NCKAP1: variants seen among roughly 807,000 people sequenced by gnomAD.
NCKAP1 encodes nck-associated protein 1.
In NCKAP1, 21 loss-of-function variants were observed where a neutral mutation model predicts 151.2. The observed-to-expected ratio is 0.14, with a 90% CI of 0.10 to 0.20. The LOEUF (loss-of-function observed/expected upper bound fraction) is 0.20. NCKAP1 is among the 10% of genes least tolerant of loss of function. NCKAP1 has a pLI of 1.00. For missense variants in NCKAP1, 933 were observed against 1,352.1 expected (o/e 0.69, Z 4.86); for synonymous variants, 484 against 451.8 (o/e 1.07, Z -0.90).
intron 15 of NCKAP1, among the ~76,000 whole-genome samples, chr2:182,972,493 G>T (rs1233292661): frequency 6.6e-6 from 1 of 152,056 alleles, no homozygotes; most frequent in Non-Finnish European, 1.5e-5. Flanking sequence ...TAGTAGAGCC[G>T]CTATTGAAAA....
chr2:182,944,497 A>G (rs1381659397), intron 23 of NCKAP1, among the ~76,000 whole-genome samples: 1 of 152,142 alleles, frequency 6.6e-6, no homozygotes, highest in Non-Finnish European at 1.5e-5. Context: ...AACCCCAAAT[A>G]AAACACCCAA....
At chr2:182,979,048 G>A (rs968259219) in intron 13 of NCKAP1, 133 bp from the exon 14 acceptor site, 2 of 460,586 alleles carry the variant, frequency 4.3e-6, no homozygotes, top group African/African-American at 4.0e-5. Flanking sequence ...AAAAAGAAAT[G>A]AAATTTTAAC....
intron 8 of NCKAP1, among the ~76,000 whole-genome samples, chr2:182,990,334 G>A (rs1698142306): frequency 6.6e-6 from 1 of 151,732 alleles, no homozygotes; most frequent in Non-Finnish European, 1.5e-5. Flanking sequence ...AACTGCACCT[G>A]GTCCATATGC....
Position 183,038,107 on chromosome 2 carries a change from C to T in NCKAP1, c.-8G>A. ...CAGCACTGAGCGCGACATGGTGGTG[C>T]TGGTGCCGCCGCCGCCGCCGGCCGC... On this transcript the variant is annotated 5_prime_UTR_variant, in exon 1 of 31. Transcript: ENST00000361354. The T allele has an allele frequency of 6.5e-7, 1 of 1,547,302 alleles. No individual in the cohort carries two copies. Among genetic ancestry groups the T allele is most frequent in the South Asian group, 1.2e-5 (1 of 85,318 alleles).
intron 22 of NCKAP1, 68 bp downstream of exon 22, chr2:182,952,725 A>G (rs765231146): frequency 1.4e-6 from 2 of 1,442,282 alleles, no homozygotes; most frequent in Non-Finnish European, 1.9e-6. Flanking sequence ...AAAAGTCTAA[A>G]GAATCAAGAC....
intron 2 of NCKAP1, among the ~76,000 whole-genome samples, chr2:183,005,152 T>C (rs1417241300): frequency 6.6e-6 from 1 of 152,170 alleles, no homozygotes; most frequent in Non-Finnish European, 1.5e-5. Context: ...TCTTAGTCCT[T>C]TTTCCTGCTT....
intron 2 of NCKAP1, among the ~76,000 whole-genome samples, chr2:183,020,382 T>C (rs911460463): frequency 2.0e-5 from 3 of 149,850 alleles, no homozygotes; most frequent in East Asian, 1.9e-4. Context: ...GAAGGATTGA[T>C]TGAGACCAGG....
chr2:182,965,328 T>A (rs548754234), intron 16 of NCKAP1, among the ~76,000 whole-genome samples: 37 of 147,534 alleles, frequency 2.5e-4, no homozygotes, highest in East Asian at 5.8e-4. Flanking sequence ...ATTTTATTTT[T>A]TTTTTTAACT....
Position 182,914,985 on chromosome 2 carries a change from C to G in NCKAP1, c.*10717G>C, listed in dbSNP as rs1696444937. 1 of 152,148 alleles carries G rather than the reference C, an allele frequency of 6.6e-6. No homozygotes were observed. Among genetic ancestry groups the G allele is most frequent in the African/African-American group, 2.4e-5 (1 of 41,398 alleles). The allele number at this position is 152,148 out of a possible 1,614,324, so 9.4% of individuals were successfully genotyped here. ...TGATCATTTAAGCTGGGAATGCAGC[C>G]ATACCGGGTGTCAGAGCATGTTGTG... On this transcript the variant is annotated 3_prime_UTR_variant, in exon 31 of 31. Coordinates refer to ENST00000361354, the MANE Select transcript of NCKAP1 (RefSeq NM_013436.5).
chr2:183,034,336 AACC>A (rs1364498499), intron 1 of NCKAP1, among the ~76,000 whole-genome samples: 2 of 152,080 alleles, frequency 1.3e-5, no homozygotes, highest in Admixed American at 1.3e-4. Context: ...ACTGCATTTA[AACC>A]ACCACAATAC....
intron 24 of NCKAP1, among the ~76,000 whole-genome samples, chr2:182,941,610 T>C (rs539498424): frequency 6.6e-6 from 1 of 152,296 alleles, no homozygotes; most frequent in African/African-American, 2.4e-5. Flanking sequence ...GATGGAACTG[T>C]TCTATATCTA....
chr2:183,034,121 C>T (rs1470630494), intron 1 of NCKAP1, among the ~76,000 whole-genome samples: 2 of 152,050 alleles, frequency 1.3e-5, no homozygotes, highest in African/African-American at 2.4e-5. Flanking sequence ...AGACTAAAAC[C>T]AGTTCCCCTC....
chr2:182,982,011 A>C (rs984005579), intron 12 of NCKAP1, among the ~76,000 whole-genome samples: 2 of 151,920 alleles, frequency 1.3e-5, no homozygotes, highest in African/African-American at 2.4e-5. Flanking sequence ...GCAAGAAATA[A>C]AATTTTTCTG....
chr2:183,035,642 C>A (rs912792733), intron 1 of NCKAP1, among the ~76,000 whole-genome samples: 1 of 152,098 alleles, frequency 6.6e-6, no homozygotes, highest in African/African-American at 2.4e-5. Context: ...TTACTCACTT[C>A]TTTGGCAAGA....
At chr2:182,942,500 C>T (rs1697017142) in intron 23 of NCKAP1, among the ~76,000 whole-genome samples, 1 of 151,824 alleles carries the variant, frequency 6.6e-6, no homozygotes, top group African/African-American at 2.4e-5. Flanking sequence ...GCAACAAATT[C>T]CAACTGAAAC....
intron 1 of NCKAP1, among the ~76,000 whole-genome samples, chr2:183,030,829 A>G (rs909009699): frequency 2.0e-5 from 3 of 152,214 alleles, no homozygotes; most frequent in Non-Finnish European, 2.9e-5. Context: ...AAAATTGTCC[A>G]TAAGTACTGG....
In NCKAP1 at chr2:183,009,475, G is replaced by GCAAGC. The variant is rs1553517571; in HGVS notation, c.220-6151_220-6150insGCTTG. ...GGAAGGAAGGAAGGAAGGAAGGAAG[G>GCAAGC]AAGCAAGCAAGCAAGCAGGCAAGCA... On this transcript the variant is annotated intron_variant, in intron 2 of 30. Coordinates refer to ENST00000361354, the MANE Select transcript of NCKAP1 (RefSeq NM_013436.5). Among the ~76,000 whole-genome samples, 52 of 100,278 alleles carry GCAAGC rather than the reference G, an allele frequency of 5.2e-4. No individual in the cohort carries two copies. In the South Asian group the frequency reaches 8.0e-3, roughly 15 times the overall value. The allele number at this position is 100,278 out of a possible 152,430, so 65.8% of individuals were successfully genotyped here.
At chr2:182,955,186 T>C (rs1697299976) in intron 20 of NCKAP1, among the ~76,000 whole-genome samples, 1 of 152,224 alleles carries the variant, frequency 6.6e-6, no homozygotes, top group Non-Finnish European at 1.5e-5. Flanking sequence ...TCATATTCTG[T>C]TCTCTAATTC....
At chr2:182,940,919 CTTTAATT>C (rs1250083972) in intron 24 of NCKAP1, among the ~76,000 whole-genome samples, 1 of 152,176 alleles carries the variant, frequency 6.6e-6, no homozygotes, top group African/African-American at 2.4e-5. Flanking sequence ...ATAAGGTAAT[CTTTAATT>C]TTTATTCAAT....
Sources: allele counts gnomAD v4.1 joint callset (sites outside exome capture counted in the v4.1 genomes callset), GRCh38; gene constraint gnomAD v4.1.1; transcripts MANE v1.5; gene names NCBI Gene and HGNC (gene_info 2026-07-23, HGNC 2026-07-21).